The following MAPKBP1 variants were observed in gnomAD, a reference collection of about 807,000 sequenced individuals.
The protein encoded by MAPKBP1 is mitogen-activated protein kinase-binding protein 1.
In MAPKBP1, 71 loss-of-function variants were observed where a neutral mutation model predicts 170.5. The ratio of observed to expected loss-of-function variants is 0.42; its 90% confidence interval spans 0.34 to 0.51. The LOEUF is 0.51. Ranked by LOEUF, MAPKBP1 falls within the 20% of genes least tolerant of loss-of-function variation. The pLI, the probability that MAPKBP1 is intolerant of heterozygous loss-of-function variation, is 0.06. For synonymous variants in MAPKBP1, 719 were observed against 757.9 expected (o/e 0.95, Z 0.84); for missense variants, 1,598 against 1,933.0 (o/e 0.83, Z 3.25).
At chr15:41,796,604 T>TC (rs200317699) in intron 2 of MAPKBP1, among the ~76,000 whole-genome samples, 1,931 of 152,040 alleles carry the variant, frequency 0.013, 45 homozygotes, top group African/African-American at 0.044. Context: ...GAAACTGCTT[T>TC]TCCCCCCCCT....
Position 41,823,450 on chromosome 15 carries a change from G to C in MAPKBP1, c.3602G>C (p.Arg1201Thr). The C allele has an allele frequency of 1.2e-6, 2 of 1,609,402 alleles. No homozygotes were observed. Among genetic ancestry groups the C allele is most frequent in the Non-Finnish European group, 1.7e-6 (2 of 1,176,966 alleles). ...QSVHSLVPQE[R>T]HEASLQAPSP... ...TATACCTCTGTCTCCTTTGCAGAAA[G>C]ACATGAGGCCAGTCTGCAGGCCCCT... Residue 1201 changes from arginine to threonine, a missense_variant, in exon 29 of 31, where the codon AGA becomes ACA. This residue lies in a region of MAPKBP1 where 942 missense variants were observed against 953.2 expected (regional missense o/e 0.99). Transcript: ENST00000457542.
chr15:41,816,293 G>A, intron 12 of MAPKBP1: 1 of 472,158 alleles, frequency 2.1e-6, no homozygotes, highest in Non-Finnish European at 3.8e-6. Flanking sequence ...GAAAACTGGT[G>A]AAATTTGAAT....
In MAPKBP1 at chr15:41,775,294, A is replaced by G; in HGVS notation, c.19A>G (p.Thr7Ala). ...CGTCATAATGGCTGTGGAAGGGTCA[A>G]CCATTACCAGCCGGATCAAGAATCT... MAVEGS[T>A]ITSRIKNLLR... The change falls in exon 2 of 31, where the codon ACC becomes GCC. Residue 7 changes from threonine to alanine, a missense_variant. By Grantham distance (58) the Thr-to-Ala change is moderately conservative (BLOSUM62 0). Transcript: ENST00000457542. The G allele has an allele frequency of 6.2e-7, 1 of 1,614,038 alleles. No homozygotes were observed. Among genetic ancestry groups the G allele is most frequent in the South Asian group, 1.1e-5 (1 of 91,082 alleles).
intron 2 of MAPKBP1, among the ~76,000 whole-genome samples, chr15:41,781,323 G>C (rs1317743904): frequency 6.6e-6 from 1 of 151,728 alleles, no homozygotes; most frequent in African/African-American, 2.4e-5. Context: ...TGATCTGCCT[G>C]CCTCGGCCTC....
At chr15:41,813,275 A>C (rs2064834481) in intron 8 of MAPKBP1, 174 bp downstream of exon 8, 1 of 1,520,164 alleles carries the variant, frequency 6.6e-7, no homozygotes, top group African/African-American at 1.4e-5. Flanking sequence ...GATCTGTATA[A>C]CTGCCTCCTC....
At chr15:41,775,032 G>C in intron 1 of MAPKBP1, 135 bp from the exon 2 acceptor site, 1 of 441,448 alleles carries the variant, frequency 2.3e-6, no homozygotes, top group African/African-American at 2.0e-5. Flanking sequence ...TCCTTCCGAC[G>C]TTGTAAGAAA....
chr15:41,794,272 A>C (rs974955487), intron 2 of MAPKBP1, among the ~76,000 whole-genome samples: 2 of 151,946 alleles, frequency 1.3e-5, no homozygotes, highest in Non-Finnish European at 2.9e-5. Flanking sequence ...AGTTCTTCAT[A>C]CTCTTTCCCT....
Position 41,779,442 on chromosome 15 carries a change from C to T in MAPKBP1, c.114+4053C>T, listed in dbSNP as rs191110609. Among the ~76,000 whole-genome samples, 75 of 152,308 alleles carry T rather than the reference C, an allele frequency of 4.9e-4. 1 individual carries two copies. Among genetic ancestry groups the T allele is most frequent in the Non-Finnish European group, 2.9e-4 (20 of 68,026 alleles). ...GTCAGGCTGGTCTCAAACTCCTGACCTCGTGATCTGCCTGCCTCAGCCTCC... is the reference window on the plus strand; with the variant it reads ...GTCAGGCTGGTCTCAAACTCCTGACTTCGTGATCTGCCTGCCTCAGCCTCC... On this transcript the variant is annotated intron_variant, in intron 2 of 30. Coordinates refer to ENST00000457542, the MANE Select transcript of MAPKBP1 (RefSeq NM_014994.3).
intron 3 of MAPKBP1, among the ~76,000 whole-genome samples, chr15:41,810,040 A>C (rs928883055): frequency 6.6e-6 from 1 of 151,864 alleles, no homozygotes; most frequent in African/African-American, 2.4e-5. Flanking sequence ...CTCGCCTCCC[A>C]CTTCCTTCCT....
intron 2 of MAPKBP1, among the ~76,000 whole-genome samples, chr15:41,782,259 C>CAAA (rs10629541): frequency 0.24 from 27,915 of 116,934 alleles, 4,128 homozygotes; most frequent in Middle Eastern, 0.43. Context: ...GGCTCTGTCT[C>CAAA]AAAAAAAAAA....
At chr15:41,807,232 CAT>C (rs1255172305) in intron 3 of MAPKBP1, among the ~76,000 whole-genome samples, 5 of 152,160 alleles carry the variant, frequency 3.3e-5, no homozygotes, top group Non-Finnish European at 2.9e-5. Flanking sequence ...CACACACACA[CAT>C]GCATCATTCA....
At chr15:41,816,121 C>G (rs1384521267) in intron 12 of MAPKBP1, among the ~76,000 whole-genome samples, 1 of 152,184 alleles carries the variant, frequency 6.6e-6, no homozygotes, top group Non-Finnish European at 1.5e-5. Flanking sequence ...CATTGAGGTA[C>G]ATACCACAGA....
chr15:41,784,315 AC>A (rs970937335), intron 2 of MAPKBP1, among the ~76,000 whole-genome samples: 1 of 152,134 alleles, frequency 6.6e-6, no homozygotes, highest in Non-Finnish European at 1.5e-5. Context: ...CTCATGACAA[AC>A]CTAGAACTGG....
At position 41,807,882 on chromosome 15, in the gene MAPKBP1, T is replaced by C. The variant is rs1392258904; in HGVS notation, c.207-3001T>C. On this transcript the variant is annotated intron_variant, in intron 3 of 30. Coordinates refer to ENST00000457542, the MANE Select transcript of MAPKBP1 (RefSeq NM_014994.3). ...TGAAATCACATCTCTACTAAAAATATAAAAAAATTAGCCAGGCTTGGTGAT... is the reference window on the plus strand; with the variant it reads ...TGAAATCACATCTCTACTAAAAATACAAAAAAATTAGCCAGGCTTGGTGAT... Among the ~76,000 whole-genome samples the C allele has an allele frequency of 2.0e-5, 3 of 151,616 alleles. No homozygotes were observed. In the East Asian group the frequency reaches 5.9e-4, roughly 30 times the overall value.
intron 8 of MAPKBP1, chr15:41,813,331 A>G: frequency 6.5e-7 from 1 of 1,528,566 alleles, no homozygotes; most frequent in Non-Finnish European, 9.1e-7. Context: ...TCCGCTCAGA[A>G]CATAGACAGC....
At chr15:41,775,703 G>A (rs2064086751) in intron 2 of MAPKBP1, among the ~76,000 whole-genome samples, 1 of 152,248 alleles carries the variant, frequency 6.6e-6, no homozygotes, top group East Asian at 1.9e-4. Context: ...CCCTTCTTGG[G>A]AGAGGACAGT....
intron 2 of MAPKBP1, among the ~76,000 whole-genome samples, chr15:41,787,868 A>C (rs900340551): frequency 6.6e-6 from 1 of 152,158 alleles, no homozygotes; most frequent in African/African-American, 2.4e-5. Flanking sequence ...GCATTGATAA[A>C]TAGTTGAAGA....
chr15:41,784,148 G>A (rs541749725), intron 2 of MAPKBP1, among the ~76,000 whole-genome samples: 23 of 152,206 alleles, frequency 1.5e-4, no homozygotes, highest in Non-Finnish European at 3.1e-4. Flanking sequence ...CTGTTTGAGA[G>A]GGCACAGTAT....
chr15:41,797,696 C>T (rs1489128802), intron 2 of MAPKBP1, among the ~76,000 whole-genome samples: 2 of 152,142 alleles, frequency 1.3e-5, no homozygotes, highest in African/African-American at 2.4e-5. Context: ...TGCCTCAGAT[C>T]GGCGCAAGGG....
Sources: gnomAD v4.1 joint callset for allele counts (sites outside exome capture counted in the v4.1 genomes callset) on GRCh38, gnomAD v4.1.1 for gene constraint, gnomAD v4.1.1 regional missense constraint, MANE v1.5 for transcripts, NCBI Gene and HGNC (gene_info 2026-07-23, HGNC 2026-07-21) for gene names.